MCPH1: variants seen among roughly 807,000 people sequenced by gnomAD.
MCPH1 encodes microcephalin.
MCPH1 carries 104 observed loss-of-function variants against 84.5 expected under a neutral mutation model. The ratio of observed to expected loss-of-function variants is 1.23; its 90% confidence interval spans 1.05 to 1.45. The LOEUF (loss-of-function observed/expected upper bound fraction) is 1.45. MCPH1 is among the 40% of genes most tolerant of loss of function. The probability of loss-of-function intolerance (pLI) is 0.00; values close to 1 mark genes in which losing one functional copy is unlikely to be tolerated. For missense variants in MCPH1, 1,498 were observed against 1,005.7 expected (o/e 1.49, Z -6.62); for synonymous variants, 514 against 366.8 (o/e 1.40, Z -4.58).
In MCPH1 at chr8:6,445,083, G is replaced by C; in HGVS notation, c.1361G>C (p.Ser454Thr). 1.9e-6 allele frequency: 3 copies of C among 1,614,260 alleles called. No individual in the cohort carries two copies. The highest frequency in any genetic ancestry group is 2.5e-6 in the Non-Finnish European group (3 of 1,180,058). ...AGTCTTTCTAAGAAGGAGAGAACAA[G>C]CATATTTGAAATGTCTGATTTTTCC... ...CRSLSKKERT[S>T]IFEMSDFSCV... is the part of the protein sequence containing the mutation. The change falls in exon 8 of 14, where the codon AGC (serine) becomes ACC (threonine). Residue 454 changes from serine to threonine, a missense_variant. By Grantham distance (58) the Ser-to-Thr change is moderately conservative. Transcript: ENST00000344683.
intron 12 of MCPH1, among the ~76,000 whole-genome samples, chr8:6,535,128 C>G (rs1016343944): frequency 6.6e-6 from 1 of 152,160 alleles, no homozygotes; most frequent in Non-Finnish European, 1.5e-5. Flanking sequence ...AAGTCTTAAC[C>G]TCCTTCTTGA....
In MCPH1 at chr8:6,621,596, T is replaced by A; in HGVS notation, c.2357T>A (p.Val786Asp). Residue 786 changes from valine to aspartate, a missense_variant, in exon 13 of 14, where the codon GTC (valine) becomes GAC (aspartate). Physicochemically the swap from Val to Asp is radical, Grantham distance 152. Transcript: ENST00000344683. ...CTAGTCCACCTGTGCGGAGGCCGGG[T>A]CAGCCAAGTCCCCCGCCAGGCCAGC... is the stretch of plus-strand genomic sequence containing the variant. ...CELVHLCGGR[V>D]SQVPRQASIV... 1 of 1,614,140 alleles carries A rather than the reference T, an allele frequency of 6.2e-7. No homozygotes were observed. The highest frequency in any genetic ancestry group is 8.5e-7 in the Non-Finnish European group (1 of 1,180,022).
rs201599657 is a variant in MCPH1, at chr8:6,499,860, G to A, written c.2145G>A (p.Trp715Ter). 356 of 1,613,020 alleles carry A rather than the reference G, an allele frequency of 2.2e-4. No individual in the cohort carries two copies. The highest frequency in any genetic ancestry group is 2.8e-4 in the Non-Finnish European group (335 of 1,179,948). The change falls in exon 12 of 14, where the codon TGG becomes TGA. Residue 715 changes from tryptophan (W) to a stop codon, truncating the protein, a stop_gained. Coordinates refer to ENST00000344683, the MANE Select transcript of MCPH1 (RefSeq NM_024596.5). LOFTEE classifies it high-confidence loss of function. Reference sequence around the variant, plus strand: ...TGTTGTGTCACTTGCAGGTGCTATGGTCTTTAGAATTGGGTCACTGGATTT... The same window carrying A: ...TGTTGTGTCACTTGCAGGTGCTATGATCTTTAGAATTGGGTCACTGGATTT... ...CWVLSYDWVL[W>*]SLELGHWISE...
At position 6,645,883 on chromosome 8, in the gene MCPH1, A is replaced by C. The variant is rs760165184; in HGVS notation, c.*2834A>C. The C allele has an allele frequency of 1.3e-5, 2 of 152,228 alleles. No homozygotes were observed. Among genetic ancestry groups the C allele is most frequent in the Non-Finnish European group, 2.9e-5 (2 of 68,030 alleles). The allele number at this position is 152,228 out of a possible 1,614,324, so 9.4% of individuals were successfully genotyped here. On this transcript the variant is annotated 3_prime_UTR_variant, in exon 14 of 14. Transcript: ENST00000344683. ...CTGAAAGAAGTTAAAGACTTCTTTA[A>C]ATAGAGACATATACAAAGTTCATAG...
At chr8:6,579,818 G>A (rs763958338) in intron 12 of MCPH1, among the ~76,000 whole-genome samples, 17 of 152,174 alleles carry the variant, frequency 1.1e-4, no homozygotes, top group African/African-American at 2.4e-4. Context: ...AGGCTTTCTC[G>A]TTTATGCAGA....
chr8:6,562,578 T>TTTTTTTTTTTTTTTAA, intron 12 of MCPH1: 91 of 880,158 alleles, frequency 1.0e-4, no homozygotes, highest in Non-Finnish European at 1.3e-4. Flanking sequence ...TTTTGGTTGT[T>TTTTTTTTTTTTTTTAA]AAAACCTGAG....
intron 12 of MCPH1, among the ~76,000 whole-genome samples, chr8:6,609,546 G>A (rs554219003): frequency 1.6e-4 from 25 of 152,356 alleles, no homozygotes; most frequent in South Asian, 2.1e-4. Flanking sequence ...CGCCTTCAGC[G>A]AAAGTCAGGG....
At chr8:6,582,959 C>T (rs1386536171) in intron 12 of MCPH1, among the ~76,000 whole-genome samples, 8 of 152,172 alleles carry the variant, frequency 5.3e-5, no homozygotes, top group African/African-American at 1.7e-4. Context: ...CTGGGGAATC[C>T]TCACTGTCTT....
At chr8:6,600,987 C>G (rs557281577) in intron 12 of MCPH1, among the ~76,000 whole-genome samples, 4 of 152,158 alleles carry the variant, frequency 2.6e-5, no homozygotes, top group Admixed American at 2.6e-4. Context: ...AGGGCCATTA[C>G]GGGGTCACCA....
intron 13 of MCPH1, chr8:6,625,734 C>T (rs1189505348): frequency 2.4e-5 from 23 of 973,208 alleles, no homozygotes; most frequent in African/African-American, 1.6e-4. Flanking sequence ...CGGTGAGCAA[C>T]GATCCCACCA....
At chr8:6,462,718 T>A (rs1279056897) in intron 9 of MCPH1, among the ~76,000 whole-genome samples, 1 of 152,188 alleles carries the variant, frequency 6.6e-6, no homozygotes. Flanking sequence ...TATACTTCTT[T>A]GTGTATAAAA....
chr8:6,630,618 C>A (rs751760542), intron 13 of MCPH1, among the ~76,000 whole-genome samples: 35 of 151,820 alleles, frequency 2.3e-4, no homozygotes, highest in Non-Finnish European at 4.6e-4. Flanking sequence ...CCTGTCTTTA[C>A]TAAAAATACA....
At chr8:6,467,693 T>G in intron 9 of MCPH1, among the ~76,000 whole-genome samples, 1 of 152,158 alleles carries the variant, frequency 6.6e-6, no homozygotes, top group East Asian at 1.9e-4. Flanking sequence ...TTGCCTGGGC[T>G]CAAGTGATCC....
intron 4 of MCPH1, among the ~76,000 whole-genome samples, chr8:6,432,875 A>G (rs1802042208): frequency 6.6e-6 from 1 of 152,254 alleles, no homozygotes; most frequent in African/African-American, 2.4e-5. Context: ...ACACATCAGT[A>G]GTACATACAT....
intron 13 of MCPH1, chr8:6,625,471 T>C (rs764758047): frequency 3.0e-5 from 30 of 985,224 alleles, no homozygotes; most frequent in Non-Finnish European, 3.6e-5. Flanking sequence ...TATCGCAATA[T>C]TGAAAAACTA....
chr8:6,627,091 C>A, intron 13 of MCPH1: 1 of 985,360 alleles, frequency 1.0e-6, no homozygotes, highest in Non-Finnish European at 1.2e-6. Flanking sequence ...GATCCGATAG[C>A]ATGCAGGCCT....
chr8:6,507,292 C>T (rs939740809), intron 12 of MCPH1, among the ~76,000 whole-genome samples: 1 of 152,204 alleles, frequency 6.6e-6, no homozygotes, highest in African/African-American at 2.4e-5. Flanking sequence ...TTGACCATAG[C>T]TGTTACCTTT....
intron 12 of MCPH1, among the ~76,000 whole-genome samples, chr8:6,603,051 C>T (rs111683263): frequency 6.6e-6 from 1 of 151,962 alleles, no homozygotes; most frequent in Admixed American, 6.6e-5. Flanking sequence ...ATTGCTTGCA[C>T]TTTTTGCCAT....
intron 1 of MCPH1, among the ~76,000 whole-genome samples, chr8:6,408,559 G>A (rs1012313279): frequency 4.0e-5 from 6 of 149,760 alleles, no homozygotes; most frequent in African/African-American, 1.5e-4. Flanking sequence ...TATTTTTGAG[G>A]CAAGGTCTTT....
Sources: gnomAD v4.1 joint callset for allele counts (sites outside exome capture counted in the v4.1 genomes callset) on GRCh38, gnomAD v4.1.1 for gene constraint, MANE v1.5 for transcripts, NCBI Gene and HGNC (gene_info 2026-07-23, HGNC 2026-07-21) for gene names.